Variants in DCC observed in about 807,000 individuals in gnomAD.
The protein encoded by DCC is netrin receptor DCC.
Under a neutral mutation model 172.5 loss-of-function variants are expected in DCC, and 58 were observed. The observed-to-expected ratio is 0.34, with a 90% CI of 0.27 to 0.42. The LOEUF (loss-of-function observed/expected upper bound fraction) is 0.42, where lower values mean the gene tolerates loss of function less well. Among genes scored for constraint, DCC ranks in the 10% least tolerant of loss-of-function variants. The pLI is 1.00. For synonymous variants in DCC, 709 were observed against 644.5 expected, an observed-to-expected ratio of 1.10 and a Z score of -1.52; for missense variants, 1,740 against 1,791.0, an observed-to-expected ratio of 0.97 and a Z score of 0.51.
At chr18:53,047,166 A>C (rs1160661478) in intron 5 of DCC, among the ~76,000 whole-genome samples, 1 of 140,910 alleles carries the variant, frequency 7.1e-6, no homozygotes, top group Non-Finnish European at 1.5e-5. Context: ...TGTTTACACA[A>C]GCTCTTACAA....
At chr18:52,842,598 A>T (rs2038825084) in intron 2 of DCC, among the ~76,000 whole-genome samples, 1 of 152,198 alleles carries the variant, frequency 6.6e-6, no homozygotes, top group Non-Finnish European at 1.5e-5. Flanking sequence ...ATGTTTAACC[A>T]AGTTTGTGTG....
intron 17 of DCC, among the ~76,000 whole-genome samples, chr18:53,392,832 G>A (rs560803471): frequency 5.5e-4 from 83 of 152,210 alleles, no homozygotes; most frequent in African/African-American, 2.0e-3. Context: ...AAACTTAAAA[G>A]AATTCATAAG....
At chr18:53,146,674 AG>A (rs1188248255) in intron 7 of DCC, among the ~76,000 whole-genome samples, 4 of 152,196 alleles carry the variant, frequency 2.6e-5, no homozygotes, top group Non-Finnish European at 5.9e-5. Flanking sequence ...AAGAAAAAAA[AG>A]GTCACTGATT....
intron 1 of DCC, among the ~76,000 whole-genome samples, chr18:52,724,287 C>T (rs2036518748): frequency 1.3e-5 from 2 of 152,202 alleles, no homozygotes; most frequent in African/African-American, 4.8e-5. Flanking sequence ...GCTGAGACTA[C>T]AGTTATGTGC....
intron 21 of DCC, among the ~76,000 whole-genome samples, chr18:53,417,282 A>T (rs542753098): frequency 6.6e-6 from 1 of 152,328 alleles, no homozygotes; most frequent in Middle Eastern, 3.4e-3. Flanking sequence ...GGCGATGTAT[A>T]CTATGCAGCT....
intron 1 of DCC, among the ~76,000 whole-genome samples, chr18:52,486,189 A>C (rs2030213324): frequency 6.6e-6 from 1 of 152,102 alleles, no homozygotes; most frequent in Admixed American, 6.6e-5. Context: ...CAGTATTTTA[A>C]ACTTTAGTGA....
chr18:53,144,545 C>CTGAGTAAGTGTCATGAAA (rs1568330007), intron 7 of DCC, among the ~76,000 whole-genome samples: 37 of 152,162 alleles, frequency 2.4e-4, no homozygotes. Context: ...GTCATGAAAA[C>CTGAGTAAGTGTCATGAAA]AGCATGGGAA....
chr18:52,715,099 C>T (rs1352421755), intron 1 of DCC, among the ~76,000 whole-genome samples: 1 of 151,986 alleles, frequency 6.6e-6, no homozygotes, highest in Non-Finnish European at 1.5e-5. Flanking sequence ...TACAGAAAGT[C>T]CCTCAATCTC....
At chr18:52,988,432 A>G (rs993678384) in intron 5 of DCC, among the ~76,000 whole-genome samples, 2 of 152,160 alleles carry the variant, frequency 1.3e-5, no homozygotes, top group Admixed American at 6.5e-5. Flanking sequence ...CATAAGAAAA[A>G]TCATTTCAAA....
intron 11 of DCC, among the ~76,000 whole-genome samples, chr18:53,211,229 CTT>C (rs2055746850): frequency 6.6e-6 from 1 of 152,118 alleles, no homozygotes; most frequent in African/African-American, 2.4e-5. Context: ...AGTACTTTGC[CTT>C]TACCTTTCAT....
chr18:53,292,331 A>C (rs1328341555), intron 12 of DCC, among the ~76,000 whole-genome samples: 1 of 152,182 alleles, frequency 6.6e-6, no homozygotes, highest in African/African-American at 2.4e-5. Flanking sequence ...TGTGGTAATC[A>C]GTGGAAAAAG....
intron 1 of DCC, among the ~76,000 whole-genome samples, chr18:52,644,603 T>C (rs1241439957): frequency 6.9e-6 from 1 of 145,364 alleles, no homozygotes; most frequent in African/African-American, 2.5e-5. Flanking sequence ...AAAATTAGTG[T>C]GTAGAGTCAG....
chr18:53,021,562 G>GCA (rs935716131), intron 5 of DCC, among the ~76,000 whole-genome samples: 3 of 152,112 alleles, frequency 2.0e-5, no homozygotes, highest in Admixed American at 6.6e-5. Context: ...ACGTGTGTGT[G>GCA]TGTGTGTGCA....
At position 52,702,922 on chromosome 18, in the gene DCC, A is replaced by G. The variant is rs570314681; in HGVS notation, c.92-49132A>G. Among the ~76,000 whole-genome samples, 22 of 152,276 alleles carry G rather than the reference A, an allele frequency of 1.4e-4. No homozygotes were observed. In the South Asian group the frequency reaches 4.6e-3, roughly 32 times the overall value. On this transcript the variant is annotated intron_variant, in intron 1 of 28. Coordinates refer to ENST00000442544, the MANE Select transcript of DCC (RefSeq NM_005215.4). The stretch of plus-strand genomic sequence containing the variant: ...ATTTTCGGCTCCTATTTCCCATAAC[A>G]ACTCTTATAAGATTTCGTTTCAACT...
chr18:52,812,415 T>C (rs1018311132), intron 2 of DCC, among the ~76,000 whole-genome samples: 1 of 152,222 alleles, frequency 6.6e-6, no homozygotes, highest in Non-Finnish European at 1.5e-5. Flanking sequence ...GTATCTTCAG[T>C]ACAACCAACA....
intron 1 of DCC, among the ~76,000 whole-genome samples, chr18:52,484,239 A>T (rs527888826): frequency 7.9e-4 from 120 of 152,236 alleles, no homozygotes; most frequent in African/African-American, 2.8e-3. Flanking sequence ...CATCCTACTC[A>T]GTCTGCCCAT....
intron 9 of DCC, among the ~76,000 whole-genome samples, chr18:53,187,758 C>T (rs2055305154): frequency 1.3e-5 from 2 of 152,166 alleles, no homozygotes; most frequent in African/African-American, 2.4e-5. Flanking sequence ...ACTTTAATTG[C>T]CCAATCTTTC....
At chr18:53,207,405 A>G (rs1322638568) in intron 10 of DCC, among the ~76,000 whole-genome samples, 1 of 152,196 alleles carries the variant, frequency 6.6e-6, no homozygotes, top group Non-Finnish European at 1.5e-5. Flanking sequence ...AGGTGTGGGT[A>G]GAATAACCCA....
At chr18:53,341,049 T>C (rs184648880) in intron 15 of DCC, among the ~76,000 whole-genome samples, 15 of 152,358 alleles carry the variant, frequency 9.8e-5, no homozygotes, top group African/African-American at 1.4e-4. Flanking sequence ...TTTATTTAGC[T>C]TGGCGTTTAG....
Sources: gnomAD v4.1 joint callset for allele counts (sites outside exome capture counted in the v4.1 genomes callset) on GRCh38, gnomAD v4.1.1 for gene constraint, MANE v1.5 for transcripts, NCBI Gene and HGNC (gene_info 2026-07-23, HGNC 2026-07-21) for gene names.